FAM178B: variants seen among roughly 807,000 people sequenced by gnomAD.
FAM178B encodes the protein family with sequence similarity 178 member B, also known as protein FAM178B.
Under a neutral mutation model 91.7 loss-of-function variants are expected in FAM178B, and 82 were observed. The ratio of observed to expected loss-of-function variants is 0.89; its 90% CI spans 0.75 to 1.07. The LOEUF is 1.07. Ranked by LOEUF, FAM178B falls within the 50% of genes least tolerant of loss-of-function variation. FAM178B has a pLI of 0.00. For missense variants in FAM178B, 769 were observed against 846.7 expected, an observed-to-expected ratio of 0.91 and a Z score of 1.14; for synonymous variants, 368 against 359.4, an observed-to-expected ratio of 1.02 and a Z score of -0.27.
chr2:96,977,028 G>A (rs2082297243), intron 1 of FAM178B, among the ~76,000 whole-genome samples: 1 of 150,884 alleles, frequency 6.6e-6, no homozygotes, highest in African/African-American at 2.4e-5. Context: ...AACCCTGTCT[G>A]TACTAAAAAT....
Position 96,967,631 on chromosome 2 carries a change from T to C in FAM178B, c.627-4A>G, listed in dbSNP as rs1275502494. 1.5e-5 allele frequency: 23 copies of C among 1,544,766 alleles called. No homozygotes were observed. The East Asian group carries it at 3.9e-4, about 26-fold the overall frequency. On this transcript the variant is annotated splice_polypyrimidine_tract_variant and splice_region_variant and intron_variant, in intron 4 of 16. Transcript: ENST00000490605. ...CTCCTGCTCCAGGGCCTGTTCCCTA[T>C]AGGAAGTCGAGGGCCAGAGCCGGGG...
intron 12 of FAM178B, among the ~76,000 whole-genome samples, chr2:96,915,777 T>C (rs1355903363): frequency 6.7e-6 from 1 of 150,206 alleles, no homozygotes; most frequent in African/African-American, 2.5e-5. Flanking sequence ...GACTGTGCCA[T>C]TGCACTCCAG....
At chr2:96,953,150 G>A (rs914560615) in intron 6 of FAM178B, among the ~76,000 whole-genome samples, 4 of 152,316 alleles carry the variant, frequency 2.6e-5, no homozygotes, top group African/African-American at 7.2e-5. Context: ...CCCTGAAATA[G>A]ACCTTCGTTT....
chr2:96,879,620 G>A (rs1370750650), intron 14 of FAM178B, among the ~76,000 whole-genome samples: 2 of 152,230 alleles, frequency 1.3e-5, no homozygotes, highest in African/African-American at 4.8e-5. Context: ...CACCAGCAGC[G>A]CCCACCCTGC....
At chr2:96,985,090 C>T (rs550397844) in intron 1 of FAM178B, among the ~76,000 whole-genome samples, 161 of 152,162 alleles carry the variant, frequency 1.1e-3, no homozygotes, top group Non-Finnish European at 1.9e-3. Flanking sequence ...GGATGGAAAC[C>T]GATCATTCTA....
chr2:96,915,011 A>C (rs981374653), intron 12 of FAM178B, among the ~76,000 whole-genome samples: 2 of 151,886 alleles, frequency 1.3e-5, no homozygotes, highest in Non-Finnish European at 2.9e-5. Context: ...GGGAAGGAGG[A>C]GTCTCCACGG....
In FAM178B at chr2:96,893,983, C is replaced by T; in HGVS notation, c.1719G>A (p.Val573=). The T allele has an allele frequency of 6.2e-7, 1 of 1,612,908 alleles. No homozygotes were observed. Among genetic ancestry groups the T allele is most frequent in the Non-Finnish European group, 8.5e-7 (1 of 1,179,692 alleles). The change falls in exon 14 of 17, where the codon GTG becomes GTA. Residue 573 remains valine, a synonymous_variant. Coordinates refer to ENST00000490605, the MANE Select transcript of FAM178B (RefSeq NM_001122646.3). ...GTTGCTCCTGGCAGGGTGGCAAGGG[C>T]ACAGAGTCCAGGTATTGCCTGAGAG... ...PSSLRQYLDS[V]PLPPCQEQQP...
chr2:96,889,704 ATAAATAAATAAATAAATAC>A (rs1344932320), intron 14 of FAM178B, among the ~76,000 whole-genome samples: 2 of 136,608 alleles, frequency 1.5e-5, no homozygotes, highest in South Asian at 8.0e-4. Context: ...AAATAAATAA[ATAAATAAATAAATAAATAC>A]AAAAAAAAAT....
intron 14 of FAM178B, among the ~76,000 whole-genome samples, chr2:96,892,365 G>A (rs2153368403): frequency 6.6e-6 from 1 of 152,278 alleles, no homozygotes; most frequent in African/African-American, 2.4e-5. Context: ...AGAGCTGCCT[G>A]GGACTCGCCT....
chr2:96,973,836 C>G (rs1240968078), intron 1 of FAM178B, among the ~76,000 whole-genome samples: 2 of 151,570 alleles, frequency 1.3e-5, no homozygotes, highest in East Asian at 3.9e-4. Flanking sequence ...CCCATCTCTA[C>G]TAAAAATACA....
chr2:96,894,089 G>A, intron 13 of FAM178B, 38 bp from the exon 14 acceptor site: 1 of 1,574,838 alleles, frequency 6.3e-7, no homozygotes. Context: ...CACAGAGGGT[G>A]GTGGCCAAGA....
At chr2:96,931,351 G>A (rs939252325) in intron 8 of FAM178B, among the ~76,000 whole-genome samples, 1 of 152,206 alleles carries the variant, frequency 6.6e-6, no homozygotes, top group African/African-American at 2.4e-5. Context: ...AGGAGGAACA[G>A]AAGCCAGATC....
At chr2:96,896,660 T>G (rs2080829903) in intron 13 of FAM178B, among the ~76,000 whole-genome samples, 1 of 152,190 alleles carries the variant, frequency 6.6e-6, no homozygotes, top group African/African-American at 2.4e-5. Flanking sequence ...ATGTTGCTCC[T>G]GGGTGCAAAT....
At chr2:96,920,845 C>G (rs1316178729) in intron 12 of FAM178B, among the ~76,000 whole-genome samples, 1 of 151,998 alleles carries the variant, frequency 6.6e-6, no homozygotes, top group East Asian at 1.9e-4. Flanking sequence ...GATCAGGGGA[C>G]AGAATTCAGC....
In FAM178B at chr2:96,876,004, AGGGAAG is replaced by A; in HGVS notation, c.*266_*271del. 2 of 516,382 alleles carry A rather than the reference AGGGAAG, an allele frequency of 3.9e-6. No individual in the cohort carries two copies. Among genetic ancestry groups the A allele is most frequent in the South Asian group, 4.8e-5 (2 of 41,734 alleles). 32.0% of individuals were successfully genotyped at this position (516,382 alleles called of 1,614,324 possible). ...CCAGAGCTATGGAGACAGAGGCCTT[AGGGAAG>A]AGGAGATGGCTGGGAGGAGGGCTGA... On this transcript the variant is annotated 3_prime_UTR_variant, in exon 17 of 17. Coordinates refer to ENST00000490605, the MANE Select transcript of FAM178B (RefSeq NM_001122646.3).
At chr2:96,911,369 G>A (rs569810812) in intron 12 of FAM178B, among the ~76,000 whole-genome samples, 1 of 152,362 alleles carries the variant, frequency 6.6e-6, no homozygotes, top group South Asian at 2.1e-4. Flanking sequence ...CTCTCCAGGA[G>A]GAGACAGATG....
intron 9 of FAM178B, among the ~76,000 whole-genome samples, chr2:96,928,702 CA>C (rs2081489368): frequency 6.6e-6 from 1 of 152,194 alleles, no homozygotes; most frequent in South Asian, 2.1e-4. Flanking sequence ...AAAACAGGCT[CA>C]TCCATCCTGG....
chr2:96,948,070 C>T (rs1476239397), intron 7 of FAM178B, among the ~76,000 whole-genome samples, 168 bp from the exon 8 acceptor site: 2 of 152,210 alleles, frequency 1.3e-5, no homozygotes, highest in African/African-American at 4.8e-5. Context: ...GATGGAAAAC[C>T]AAGCTCAGAG....
chr2:96,876,267 C>T lies in FAM178B; in HGVS notation c.*9G>A, dbSNP rs1189141361. 5 of 1,608,366 alleles carry T rather than the reference C, an allele frequency of 3.1e-6. No individual in the cohort carries two copies. The highest frequency in any genetic ancestry group is 4.2e-6 in the Non-Finnish European group (5 of 1,178,220). ...GCCAGGAGCCCTGGGCTGCCCTGACCCTGTCCCTTTAGATGTCTTTCCAGG... is the reference window on the plus strand; with the variant it reads ...GCCAGGAGCCCTGGGCTGCCCTGACTCTGTCCCTTTAGATGTCTTTCCAGG... On this transcript the variant is annotated 3_prime_UTR_variant, in exon 17 of 17. Coordinates refer to ENST00000490605, the MANE Select transcript of FAM178B (RefSeq NM_001122646.3).
Sources: allele counts gnomAD v4.1 joint callset (sites outside exome capture counted in the v4.1 genomes callset), GRCh38; gene constraint gnomAD v4.1.1; transcripts MANE v1.5; gene names NCBI Gene and HGNC (gene_info 2026-07-23, HGNC 2026-07-21).